VAV1: variants seen among roughly 807,000 people sequenced by gnomAD.
VAV1 encodes proto-oncogene vav.
In VAV1, 33 loss-of-function variants were observed where a neutral mutation model predicts 128.1. That is an observed-to-expected ratio of 0.26 (90% CI 0.20 to 0.34). The LOEUF (loss-of-function observed/expected upper bound fraction) is 0.34, where lower values mean the gene tolerates loss of function less well. Ranked by LOEUF, VAV1 falls within the 10% of genes least tolerant of loss-of-function variation. VAV1 has a pLI of 1.00. For synonymous variants in VAV1, 394 were observed against 409.8 expected (o/e 0.96, Z 0.47); for missense variants, 715 against 1,093.7 (o/e 0.65, Z 4.88).
At chr19:6,851,218 A>G (rs1012338912) in intron 24 of VAV1, among the ~76,000 whole-genome samples, 2 of 152,100 alleles carry the variant, frequency 1.3e-5, no homozygotes, top group African/African-American at 4.8e-5. Flanking sequence ...TCTGTTGCCC[A>G]GGCTGGAGTG....
intron 1 of VAV1, among the ~76,000 whole-genome samples, chr19:6,799,033 C>T (rs922919141): frequency 6.6e-6 from 1 of 151,834 alleles, no homozygotes; most frequent in African/African-American, 2.4e-5. Context: ...CTGTGGTCTT[C>T]TGTGACTGGC....
At chr19:6,835,486 C>A (rs1359060016) in intron 19 of VAV1, among the ~76,000 whole-genome samples, 3 of 152,098 alleles carry the variant, frequency 2.0e-5, no homozygotes, top group Admixed American at 6.6e-5. Flanking sequence ...CTAGTTGCTA[C>A]CATATTGGAC....
At chr19:6,789,046 C>A (rs1229106081) in intron 1 of VAV1, among the ~76,000 whole-genome samples, 1 of 152,196 alleles carries the variant, frequency 6.6e-6, no homozygotes, top group Non-Finnish European at 1.5e-5. Context: ...CAAGTAGCAC[C>A]TCTCCTCAGT....
chr19:6,777,947 C>T lies in VAV1; in HGVS notation c.204+4936C>T, dbSNP rs1191757828. Among the ~76,000 whole-genome samples the T allele has an allele frequency of 6.6e-6, 1 of 152,024 alleles. No homozygotes were observed. Among genetic ancestry groups the T allele is most frequent in the African/African-American group, 2.4e-5 (1 of 41,390 alleles). On this transcript the variant is annotated intron_variant, in intron 1 of 26. Coordinates refer to ENST00000602142, the MANE Select transcript of VAV1 (RefSeq NM_005428.4). This position sits in a 1 kb window ranked among gnomAD's most constrained non-coding sequence, Gnocchi z 4.4. ...TCCTGAGTATCTGGGATTACAGGCG[C>T]CTGCCACCACGCCTGGCTAATTTCT...
chr19:6,839,207 GT>G (rs1972307357), intron 21 of VAV1, among the ~76,000 whole-genome samples: 1 of 149,302 alleles, frequency 6.7e-6, no homozygotes, highest in South Asian at 2.1e-4. Flanking sequence ...AGCCGCAGCT[GT>G]TTTTTTGTGT....
chr19:6,821,726 C>G (rs371945414), intron 3 of VAV1, 46 bp downstream of exon 3: 4 of 1,613,832 alleles, frequency 2.5e-6, no homozygotes, highest in South Asian at 1.1e-5. Context: ...CAGTCCTCCC[C>G]CTCCCTGAAG....
intron 1 of VAV1, among the ~76,000 whole-genome samples, chr19:6,793,487 T>C (rs2094870473): frequency 1.3e-5 from 2 of 151,974 alleles, no homozygotes; most frequent in Admixed American, 1.3e-4. Context: ...AACATGGTCT[T>C]GGGCGGCGGC....
intron 25 of VAV1, 129 bp from the exon 26 acceptor site, chr19:6,853,818 T>A: frequency 1.7e-6 from 2 of 1,199,820 alleles, no homozygotes; most frequent in Non-Finnish European, 2.3e-6. Context: ...ACAGGGCATC[T>A]AATACTCTGC....
chr19:6,821,395 C>T (rs531810783), intron 2 of VAV1, among the ~76,000 whole-genome samples: 44 of 151,390 alleles, frequency 2.9e-4, no homozygotes, highest in African/African-American at 1.0e-3. Context: ...AGTGAGACTC[C>T]GTTAAAAAAA....
At chr19:6,793,492 G>A (rs1299645004) in intron 1 of VAV1, among the ~76,000 whole-genome samples, 1 of 152,032 alleles carries the variant, frequency 6.6e-6, no homozygotes, top group Non-Finnish European at 1.5e-5. Flanking sequence ...GGTCTTGGGC[G>A]GCGGCAAGAC....
At chr19:6,799,390 G>A (rs2617821) in intron 1 of VAV1, among the ~76,000 whole-genome samples, 117,753 of 151,968 alleles carry the variant, frequency 0.77, 47,100 homozygotes, top group East Asian at 1. Flanking sequence ...GGCTGGTCTC[G>A]AACTCCTGAC....
chr19:6,836,879 C>T (rs528795557), intron 20 of VAV1, 106 bp from the exon 21 acceptor site: 16 of 860,704 alleles, frequency 1.9e-5, no homozygotes, highest in Admixed American at 3.8e-5. Flanking sequence ...CACACACACA[C>T]GAGTGATGGG....
At chr19:6,823,923 T>A (rs1971854526) in intron 6 of VAV1, among the ~76,000 whole-genome samples, 1 of 151,292 alleles carries the variant, frequency 6.6e-6, no homozygotes, top group Admixed American at 6.6e-5. Context: ...TTTTGGTTTT[T>A]TTTGTTTCTT....
At position 6,822,700 on chromosome 19, in the gene VAV1, C is replaced by T. The variant is rs988186883; in HGVS notation, c.654+186C>T. Among the ~76,000 whole-genome samples, 1 of 149,226 alleles carries T rather than the reference C, an allele frequency of 6.7e-6. No individual in the cohort carries two copies. The highest frequency in any genetic ancestry group is 1.5e-5 in the Non-Finnish European group (1 of 67,480). ...TATGTATATATAAATATGAGTCTGA[C>T]GTATATATATATTAAAAAATATATA... is the stretch of plus-strand genomic sequence containing the variant. On this transcript the variant is annotated intron_variant, in intron 6 of 26. Coordinates refer to ENST00000602142, the MANE Select transcript of VAV1 (RefSeq NM_005428.4). The surrounding 1 kb of genome is among the most constrained non-coding windows in gnomAD (Gnocchi z 5.9).
intron 1 of VAV1, among the ~76,000 whole-genome samples, chr19:6,780,918 CTTTCT>C (rs1970756149): frequency 6.7e-6 from 1 of 148,752 alleles, no homozygotes; most frequent in South Asian, 2.2e-4. Context: ...GATTTCTTAT[CTTTCT>C]TTTGAGACAG....
At position 6,828,373 on chromosome 19, in the gene VAV1, A is replaced by G. The variant is rs753929575; in HGVS notation, c.1024-46A>G. 6.2e-7 allele frequency: 1 copy of G among 1,603,782 alleles called. No homozygotes were observed. Among genetic ancestry groups the G allele is most frequent in the Admixed American group, 1.7e-5 (1 of 59,976 alleles). On this transcript the variant is annotated intron_variant, in intron 10 of 26. Coordinates refer to ENST00000602142, the MANE Select transcript of VAV1 (RefSeq NM_005428.4). The surrounding 1 kb of genome is among the most constrained non-coding windows in gnomAD (Gnocchi z 4.5). ...TGTTTGGAAGGCCCTCCCCGCAGGGAGAAGGGGAGGGGCCCAGGTGACGTC... is the reference window on the plus strand; with the variant it reads ...TGTTTGGAAGGCCCTCCCCGCAGGGGGAAGGGGAGGGGCCCAGGTGACGTC...
intron 1 of VAV1, among the ~76,000 whole-genome samples, chr19:6,774,979 T>C (rs1165760422): frequency 6.6e-6 from 1 of 151,050 alleles, no homozygotes; most frequent in East Asian, 1.9e-4. Context: ...TTGACCAAGC[T>C]GGCCTTGAAC....
At chr19:6,839,601 G>A (rs991395482) in intron 21 of VAV1, among the ~76,000 whole-genome samples, 42 of 151,828 alleles carry the variant, frequency 2.8e-4, no homozygotes, top group African/African-American at 9.4e-4. Flanking sequence ...TGATAAAAAT[G>A]TTTTAGAACT....
At chr19:6,780,471 G>T (rs1970744605) in intron 1 of VAV1, among the ~76,000 whole-genome samples, 1 of 150,724 alleles carries the variant, frequency 6.6e-6, no homozygotes, top group Admixed American at 6.6e-5. Context: ...TGGGCTATAT[G>T]GTATAACCTA....
Sources: gnomAD v4.1 joint callset for allele counts (sites outside exome capture counted in the v4.1 genomes callset) on GRCh38, gnomAD v4.1.1 for gene constraint, Gnocchi (gnomAD v3.1) non-coding constraint, MANE v1.5 for transcripts, NCBI Gene and HGNC (gene_info 2026-07-23, HGNC 2026-07-21) for gene names.